Variants in NAV2 observed in about 807,000 individuals in gnomAD.
NAV2 encodes the protein helicase, APC down-regulated 1.
A neutral mutation model predicts 223.2 loss-of-function variants in NAV2; 54 were observed. The observed-to-expected ratio is 0.24, with a 90% CI of 0.19 to 0.30. The LOEUF (loss-of-function observed/expected upper bound fraction) is 0.30. Ranked by LOEUF, NAV2 falls within the 10% of genes least tolerant of loss-of-function variation. The pLI is 1.00. For synonymous variants in NAV2, 1,279 were observed against 1,239.3 expected (o/e 1.03, Z -0.67); for missense variants, 2,806 against 3,147.5 (o/e 0.89, Z 2.60).
intron 1 of NAV2, among the ~76,000 whole-genome samples, chr11:19,397,418 T>TGTGTGTGTGTGTGTGTGCGCAC (rs57566081): frequency 1.4e-5 from 2 of 145,356 alleles, no homozygotes; most frequent in African/African-American, 5.2e-5. Flanking sequence ...TGTGTGTGTG[T>TGTGTGTGTGTGTGTGTGCGCAC]GCGCGCATGT....
At chr11:19,458,106 G>A (rs962049311) in intron 1 of NAV2, among the ~76,000 whole-genome samples, 6 of 152,188 alleles carry the variant, frequency 3.9e-5, no homozygotes, top group Admixed American at 2.0e-4. Context: ...TCACCAGTCT[G>A]CAAGCCCAGC....
chr11:19,990,422 C>G (rs1393755298), intron 11 of NAV2, among the ~76,000 whole-genome samples: 2 of 152,146 alleles, frequency 1.3e-5, no homozygotes, highest in African/African-American at 2.4e-5. Flanking sequence ...TACATGGACC[C>G]TTAAGCAATT....
chr11:19,571,808 C>T (rs1178580548), intron 1 of NAV2, among the ~76,000 whole-genome samples: 1 of 152,068 alleles, frequency 6.6e-6, no homozygotes, highest in African/African-American at 2.4e-5. Context: ...GTAAATGGTG[C>T]CTTTACTATT....
At chr11:19,845,645 A>G (rs2152956138) in intron 3 of NAV2, among the ~76,000 whole-genome samples, 1 of 152,292 alleles carries the variant, frequency 6.6e-6, no homozygotes, top group Non-Finnish European at 1.5e-5. Flanking sequence ...GCTTTGTAGG[A>G]GGAGCAAGCC....
At chr11:19,855,626 C>T (rs957292714) in intron 3 of NAV2, among the ~76,000 whole-genome samples, 1 of 152,162 alleles carries the variant, frequency 6.6e-6, no homozygotes, top group Non-Finnish European at 1.5e-5. Context: ...AAGAAAGAGG[C>T]ATGCATTCCG....
rs1350083859 is a variant in NAV2, at chr11:19,764,569, G to A, written c.267+50607G>A. Among the ~76,000 whole-genome samples, 6 of 152,168 alleles carry A rather than the reference G, an allele frequency of 3.9e-5. No individual in the cohort carries two copies. In the East Asian group the frequency reaches 1.2e-3, roughly 29 times the overall value. On this transcript the variant is annotated intron_variant, in intron 1 of 37. Transcript: ENST00000349880. ...CAGTAAAATAGGAGAGACAAATGGA[G>A]AATTTTTTCCTTATAGGTTGTTGTG...
intron 1 of NAV2, among the ~76,000 whole-genome samples, chr11:19,592,215 T>C (rs2046080584): frequency 6.6e-6 from 1 of 152,124 alleles, no homozygotes; most frequent in South Asian, 2.1e-4. Context: ...CATCTTCCTC[T>C]GGTCACATAC....
At chr11:20,109,884 C>G (rs1357166096) in intron 36 of NAV2, among the ~76,000 whole-genome samples, 1 of 152,276 alleles carries the variant, frequency 6.6e-6, no homozygotes, top group African/African-American at 2.4e-5. Context: ...CCTGTCTGTG[C>G]TCCAGCCTTG....
At chr11:19,977,334 G>A (rs1316056670) in intron 10 of NAV2, among the ~76,000 whole-genome samples, 2 of 152,258 alleles carry the variant, frequency 1.3e-5, no homozygotes, top group Non-Finnish European at 2.9e-5. Flanking sequence ...CCCCAACTGA[G>A]AAAGGCATTG....
chr11:19,749,209 G>A (rs2053606983), intron 1 of NAV2, among the ~76,000 whole-genome samples: 1 of 152,172 alleles, frequency 6.6e-6, no homozygotes. Context: ...GACAGTTAAT[G>A]TGGTACTTGC....
chr11:19,367,089 C>T (rs182466994), intron 1 of NAV2, among the ~76,000 whole-genome samples: 33 of 152,298 alleles, frequency 2.2e-4, no homozygotes, highest in African/African-American at 6.5e-4. Flanking sequence ...GAACCAGCAC[C>T]AGGCTCTCAA....
At chr11:19,744,154 A>C (rs559839643) in intron 1 of NAV2, among the ~76,000 whole-genome samples, 1 of 152,314 alleles carries the variant, frequency 6.6e-6, no homozygotes, top group South Asian at 2.1e-4. Context: ...TCACTTAGTG[A>C]AGTGGGAGCT....
chr11:19,751,305 A>C (rs1417724481), intron 1 of NAV2, among the ~76,000 whole-genome samples: 1 of 152,208 alleles, frequency 6.6e-6, no homozygotes, highest in East Asian at 1.9e-4. Flanking sequence ...ACTGCTAGTC[A>C]ACAAGGACAG....
At chr11:20,062,413 A>G in intron 20 of NAV2, 54 bp downstream of exon 20, 1 of 1,351,680 alleles carries the variant, frequency 7.4e-7, no homozygotes. Flanking sequence ...GGGTTCCTTT[A>G]TCAAATGTGT....
chr11:19,525,791 C>G (rs944102717), intron 1 of NAV2, among the ~76,000 whole-genome samples: 5 of 152,158 alleles, frequency 3.3e-5, no homozygotes, highest in Non-Finnish European at 7.3e-5. Flanking sequence ...GATAACCTAC[C>G]TGCCCTCCCT....
intron 2 of NAV2, among the ~76,000 whole-genome samples, chr11:19,838,082 G>A (rs1002397833): frequency 1.3e-5 from 2 of 152,190 alleles, no homozygotes; most frequent in Admixed American, 1.3e-4. Flanking sequence ...ATGATGTATG[G>A]GGGAATTCTC....
intron 1 of NAV2, among the ~76,000 whole-genome samples, chr11:19,405,630 A>C (rs1355348993): frequency 6.6e-6 from 1 of 152,248 alleles, no homozygotes; most frequent in African/African-American, 2.4e-5. Flanking sequence ...AGTTTGACAC[A>C]GTGAGATTCA....
At chr11:19,565,168 C>G (rs1421209663) in intron 1 of NAV2, among the ~76,000 whole-genome samples, 1 of 152,136 alleles carries the variant, frequency 6.6e-6, no homozygotes, top group Non-Finnish European at 1.5e-5. Flanking sequence ...ATGGCACCGG[C>G]CGCCTAGTGT....
intron 4 of NAV2, among the ~76,000 whole-genome samples, chr11:19,873,501 G>T (rs1315196258): frequency 6.6e-6 from 1 of 152,118 alleles, no homozygotes; most frequent in Non-Finnish European, 1.5e-5. Flanking sequence ...AACAAAAGTA[G>T]GAACATCCTT....
Sources: gnomAD v4.1 joint callset for allele counts (sites outside exome capture counted in the v4.1 genomes callset) on GRCh38, gnomAD v4.1.1 for gene constraint, MANE v1.5 for transcripts, NCBI Gene and HGNC (gene_info 2026-07-23, HGNC 2026-07-21) for gene names.